Variants in KSR2 observed in about 807,000 individuals in gnomAD.
KSR2 encodes the protein kinase suppressor of ras 2.
A neutral mutation model predicts 107.8 loss-of-function variants in KSR2; 25 were observed. That is an observed-to-expected ratio of 0.23 (90% CI 0.17 to 0.32). The LOEUF (loss-of-function observed/expected upper bound fraction) is 0.32, where lower values mean the gene tolerates loss of function less well. KSR2 is among the 10% of genes least tolerant of loss of function. The probability of loss-of-function intolerance (pLI) is 1.00; values close to 1 mark genes in which losing one functional copy is unlikely to be tolerated. For missense variants in KSR2, 887 were observed against 1,268.9 expected (o/e 0.70, Z 4.57); for synonymous variants, 480 against 507.0 (o/e 0.95, Z 0.71).
intron 1 of KSR2, among the ~76,000 whole-genome samples, chr12:117,960,284 G>A (rs1352686144): frequency 6.6e-6 from 1 of 152,116 alleles, no homozygotes; most frequent in Non-Finnish European, 1.5e-5. Context: ...GGTATATTGT[G>A]ACATTAGATT....
chr12:117,928,839 T>C (rs966696493), intron 1 of KSR2, among the ~76,000 whole-genome samples: 11 of 152,220 alleles, frequency 7.2e-5, no homozygotes, highest in African/African-American at 1.9e-4. Flanking sequence ...CCCCATGAGG[T>C]AGACATCGCA....
intron 14 of KSR2, among the ~76,000 whole-genome samples, chr12:117,519,881 T>G (rs1874633833): frequency 6.6e-6 from 1 of 152,054 alleles, no homozygotes; most frequent in African/African-American, 2.4e-5. Flanking sequence ...AAATCAAGGC[T>G]ACAAAAATGA....
chr12:117,573,180 T>A (rs11068546), intron 7 of KSR2, among the ~76,000 whole-genome samples: 13,116 of 152,216 alleles, frequency 0.086, 594 homozygotes, highest in Non-Finnish European at 0.1. Flanking sequence ...GGGCATTAAA[T>A]CGGAGCAGGA....
intron 1 of KSR2, among the ~76,000 whole-genome samples, chr12:117,874,817 AAG>A (rs1893777876): frequency 6.6e-6 from 1 of 151,770 alleles, no homozygotes. Flanking sequence ...GAAGAAGAAG[AAG>A]AAAAAAAAAA....
rs553943524 is a variant in KSR2 at position 117,768,678 on chromosome 12, A to G, written c.473-7154T>C. On this transcript the variant is annotated intron_variant, in intron 3 of 19. Coordinates refer to ENST00000339824, the MANE Select transcript of KSR2 (RefSeq NM_173598.6). ...GAGATGACGGGGACCTGGGATAGTT[A>G]TGGCAGTGGAGATAGAGAGAGGTGG... Among the ~76,000 whole-genome samples, 27 of 152,310 alleles carry G rather than the reference A, an allele frequency of 1.8e-4. 1 individual carries two copies. The highest frequency in any genetic ancestry group is 6.5e-4 in the African/African-American group (27 of 41,564).
At chr12:117,705,067 T>G (rs1886469613) in intron 4 of KSR2, among the ~76,000 whole-genome samples, 1 of 152,124 alleles carries the variant, frequency 6.6e-6, no homozygotes, top group Non-Finnish European at 1.5e-5. Flanking sequence ...GACTATGAGC[T>G]AGGCAGGCCA....
At chr12:117,726,424 C>T (rs373181467) in intron 4 of KSR2, among the ~76,000 whole-genome samples, 26 of 152,204 alleles carry the variant, frequency 1.7e-4, no homozygotes, top group East Asian at 1.5e-3. Flanking sequence ...GGAGATAGGG[C>T]GGGATTTTTC....
At position 117,476,498 on chromosome 12, in the gene KSR2, G is replaced by A. The variant is rs866186995; in HGVS notation, c.2548C>T (p.Pro850Ser). The A allele has an allele frequency of 6.2e-7, 1 of 1,606,536 alleles. No individual in the cohort carries two copies. Among genetic ancestry groups the A allele is most frequent in the Non-Finnish European group, 8.5e-7 (1 of 1,176,602 alleles). ...LSPDTEEDKL[P>S]FSKHSDVFAL... ...AAGACGTCAGAGTGCTTGGAGAAGGGGAGCTTATCCTCCTCTGTGTCGGGG... is the reference window on the plus strand; with the variant it reads ...AAGACGTCAGAGTGCTTGGAGAAGGAGAGCTTATCCTCCTCTGTGTCGGGG... The change falls in exon 17 of 20, where the codon CCC (proline) becomes TCC (serine). Residue 850 changes from proline (P) to serine (S), a missense_variant. Physicochemically the swap from Pro to Ser is moderately conservative, Grantham distance 74. Coordinates refer to ENST00000339824, the MANE Select transcript of KSR2 (RefSeq NM_173598.6).
chr12:117,815,158 G>A (rs1027980492), intron 3 of KSR2, among the ~76,000 whole-genome samples: 1 of 152,164 alleles, frequency 6.6e-6, no homozygotes, highest in Non-Finnish European at 1.5e-5. Flanking sequence ...CAAGCCCTTT[G>A]ACCCAGCAAT....
At chr12:117,533,107 GTA>G (rs1272722536) in intron 10 of KSR2, among the ~76,000 whole-genome samples, 1 of 152,156 alleles carries the variant, frequency 6.6e-6, no homozygotes, top group Admixed American at 6.5e-5. Flanking sequence ...AGATAAAAGT[GTA>G]TTGAAGGTGC....
At chr12:117,829,335 C>G (rs1215644586) in intron 3 of KSR2, among the ~76,000 whole-genome samples, 1 of 152,166 alleles carries the variant, frequency 6.6e-6, no homozygotes, top group African/African-American at 2.4e-5. Flanking sequence ...CTCCTTCACT[C>G]TAAAGGCTTC....
chr12:117,670,640 T>A (rs951806128), intron 4 of KSR2, among the ~76,000 whole-genome samples: 1 of 152,104 alleles, frequency 6.6e-6, no homozygotes, highest in African/African-American at 2.4e-5. Flanking sequence ...ATCCACCTCT[T>A]TCTTGGAACC....
chr12:117,915,608 C>G (rs1895149084), intron 1 of KSR2, among the ~76,000 whole-genome samples: 1 of 152,110 alleles, frequency 6.6e-6, no homozygotes, highest in South Asian at 2.1e-4. Flanking sequence ...TGATCACAGA[C>G]AAAAATCCCA....
chr12:117,792,146 C>G (rs554897609), intron 3 of KSR2, among the ~76,000 whole-genome samples: 40 of 151,348 alleles, frequency 2.6e-4, no homozygotes, highest in African/African-American at 8.7e-4. Flanking sequence ...GAGACTAGCC[C>G]GGACAACATG....
At position 117,461,325 on chromosome 12, in the gene KSR2, C is replaced by G. The variant is rs1870887099; in HGVS notation, c.*5874G>C. The G allele has an allele frequency of 6.6e-6, 1 of 152,260 alleles. No homozygotes were observed. Among genetic ancestry groups the G allele is most frequent in the African/African-American group, 2.4e-5 (1 of 41,434 alleles). The allele number at this position is 152,260 out of a possible 1,614,324, so 9.4% of individuals were successfully genotyped here. On this transcript the variant is annotated 3_prime_UTR_variant, in exon 20 of 20. Transcript: ENST00000339824. ...AACTCATTGGGGTTGATATGGCACC[C>G]ACAACATGGTCTGGCAAAGGGGAAT...
intron 10 of KSR2, among the ~76,000 whole-genome samples, chr12:117,537,044 C>G (rs541935492): frequency 6.6e-6 from 1 of 152,186 alleles, no homozygotes; most frequent in Non-Finnish European, 1.5e-5. Context: ...GAAACCCTGT[C>G]TCTACTAAAA....
intron 5 of KSR2, among the ~76,000 whole-genome samples, chr12:117,614,283 G>A (rs7959313): frequency 0.11 from 16,122 of 152,156 alleles, 940 homozygotes; most frequent in Admixed American, 0.16. Flanking sequence ...GGCAGAATGT[G>A]ACCTTTTTAC....
At chr12:117,850,808 C>A (rs373963720) in intron 3 of KSR2, among the ~76,000 whole-genome samples, 95 of 140,098 alleles carry the variant, frequency 6.8e-4, no homozygotes, top group South Asian at 7.0e-4. Flanking sequence ...GACCCCATCT[C>A]AAAAAAAAAA....
At chr12:117,873,016 C>A (rs750565774) in intron 1 of KSR2, among the ~76,000 whole-genome samples, 4 of 152,106 alleles carry the variant, frequency 2.6e-5, no homozygotes, top group African/African-American at 7.2e-5. Flanking sequence ...GGGTTCAGTG[C>A]GGGCATCAAG....
Sources: allele counts gnomAD v4.1 joint callset (sites outside exome capture counted in the v4.1 genomes callset), GRCh38; gene constraint gnomAD v4.1.1; transcripts MANE v1.5; gene names NCBI Gene and HGNC (gene_info 2026-07-23, HGNC 2026-07-21).